The following ETV1 variants were observed in gnomAD, a reference collection of about 807,000 sequenced individuals.
ETV1 encodes ETS variant transcription factor 1, also known as ETS translocation variant 1.
In ETV1, 27 loss-of-function variants were observed where a neutral mutation model predicts 62.3. The ratio of observed to expected loss-of-function variants is 0.43; its 90% CI spans 0.32 to 0.60. ETV1 has a LOEUF of 0.60. Ranked by LOEUF, ETV1 falls within the 20% of genes least tolerant of loss-of-function variation. ETV1 has a pLI of 0.06. For synonymous variants in ETV1, 222 were observed against 199.6 expected (o/e 1.11, Z -0.94); for missense variants, 605 against 605.8 (o/e 1.00, Z 0.01).
rs563288931 is a variant in ETV1 at position 13,976,826 on chromosome 7, G to C, written c.235+601C>G. 5.8e-4 allele frequency among the ~76,000 whole-genome samples: 89 copies of C among 152,282 alleles called. 1 individual carries two copies. The highest frequency in any genetic ancestry group is 1.9e-3 in the African/African-American group (81 of 41,570). ...ATTCTCTGACAGACCCAGGAGCAAG[G>C]CTTAGGGAAAGGAACGCAGAAGGAA... On this transcript the variant is annotated intron_variant, in intron 6 of 13. Coordinates refer to ENST00000430479, the MANE Select transcript of ETV1 (RefSeq NM_004956.5).
intron 13 of ETV1, among the ~76,000 whole-genome samples, chr7:13,898,949 T>C (rs569354067): frequency 2.6e-5 from 4 of 152,262 alleles, no homozygotes; most frequent in Admixed American, 1.3e-4. Context: ...CTTTACATTG[T>C]GCCAGTTACA....
intron 13 of ETV1, among the ~76,000 whole-genome samples, chr7:13,897,853 C>T (rs1782001115): frequency 6.6e-6 from 1 of 152,126 alleles, no homozygotes; most frequent in African/African-American, 2.4e-5. Flanking sequence ...GCCTGCATAC[C>T]TCTGAGTGTT....
chr7:13,950,899 AAC>A (rs67539493), intron 6 of ETV1, among the ~76,000 whole-genome samples: 3,507 of 138,708 alleles, frequency 0.025, 51 homozygotes, highest in African/African-American at 0.047. Context: ...CTTCTCTAGG[AAC>A]ACACACACAC....
At chr7:13,954,302 T>C (rs1789166890) in intron 6 of ETV1, among the ~76,000 whole-genome samples, 2 of 152,210 alleles carry the variant, frequency 1.3e-5, no homozygotes, top group African/African-American at 4.8e-5. Flanking sequence ...GCAGTATAAT[T>C]CTAAATTTAG....
At chr7:13,989,225 G>C (rs1274368683) in intron 2 of ETV1, 43 bp downstream of exon 2, 2 of 567,558 alleles carry the variant, frequency 3.5e-6, no homozygotes, top group African/African-American at 2.3e-5. Flanking sequence ...CCCTCCGACA[G>C]TCCCATTCAC....
intron 9 of ETV1, among the ~76,000 whole-genome samples, chr7:13,928,776 G>A (rs1000041552): frequency 6.6e-5 from 10 of 152,098 alleles, no homozygotes; most frequent in African/African-American, 2.4e-5. Flanking sequence ...TGGCCACCAT[G>A]GTGAAACCCC....
intron 9 of ETV1, among the ~76,000 whole-genome samples, chr7:13,921,951 G>T (rs1027162642): frequency 1.3e-5 from 2 of 152,006 alleles, no homozygotes; most frequent in Non-Finnish European, 2.9e-5. Flanking sequence ...AAATAAAAAT[G>T]ACAAACTGAA....
intron 3 of ETV1, 122 bp downstream of exon 3, chr7:13,988,886 C>G: frequency 1.3e-6 from 2 of 1,552,786 alleles, no homozygotes; most frequent in East Asian, 2.3e-5. Flanking sequence ...CCTACAGTGG[C>G]AACAAAGCAG....
chr7:13,956,507 T>C (rs1040745761), intron 6 of ETV1, among the ~76,000 whole-genome samples: 3 of 152,204 alleles, frequency 2.0e-5, no homozygotes, highest in Admixed American at 1.3e-4. Context: ...AATAGTGTCA[T>C]GGCAACATTC....
intron 6 of ETV1, among the ~76,000 whole-genome samples, chr7:13,940,363 AAAAAAAAAG>A (rs150976778): frequency 0.29 from 42,150 of 146,128 alleles, 6,524 homozygotes; most frequent in East Asian, 0.39. Context: ...CTCCACCTCA[AAAAAAAAAG>A]AAAAAAAAGA....
At chr7:13,977,378 G>A in intron 6 of ETV1, 49 bp downstream of exon 6, 1 of 1,259,538 alleles carries the variant, frequency 7.9e-7, no homozygotes. Context: ...AAGAAAGAAG[G>A]AAACCAGAAA....
intron 5 of ETV1, among the ~76,000 whole-genome samples, chr7:13,982,930 A>G (rs1782146932): frequency 6.6e-6 from 1 of 152,060 alleles, no homozygotes; most frequent in Non-Finnish European, 1.5e-5. Context: ...TATGATTTTG[A>G]ATATAAATTT....
At chr7:13,918,367 T>A (rs1298900410) in intron 9 of ETV1, among the ~76,000 whole-genome samples, 1 of 152,182 alleles carries the variant, frequency 6.6e-6, no homozygotes, top group African/African-American at 2.4e-5. Context: ...TTCCTATTTC[T>A]CCACATCCTC....
intron 6 of ETV1, among the ~76,000 whole-genome samples, chr7:13,943,731 A>C (rs2128464554): frequency 6.6e-6 from 1 of 152,324 alleles, no homozygotes; most frequent in South Asian, 2.1e-4. Context: ...ACAGGTACAA[A>C]GTTACGGAAA....
At chr7:13,944,760 G>GA (rs1787954732) in intron 6 of ETV1, among the ~76,000 whole-genome samples, 1 of 152,084 alleles carries the variant, frequency 6.6e-6, no homozygotes, top group Admixed American at 6.5e-5. Context: ...TTTACATGTT[G>GA]AAATTTCAAC....
At chr7:13,900,621 T>C in intron 13 of ETV1, 117 bp downstream of exon 13, 1 of 686,020 alleles carries the variant, frequency 1.5e-6, no homozygotes, top group South Asian at 2.2e-5. Flanking sequence ...GCTAAGCATT[T>C]GTTAAAATGA....
intron 6 of ETV1, among the ~76,000 whole-genome samples, chr7:13,944,247 G>A (rs1028322684): frequency 6.6e-6 from 1 of 152,104 alleles, no homozygotes; most frequent in Non-Finnish European, 1.5e-5. Context: ...AAATACCATA[G>A]ACCGTATGGT....
intron 6 of ETV1, among the ~76,000 whole-genome samples, chr7:13,950,824 C>G (rs965118893): frequency 6.6e-6 from 1 of 150,652 alleles, no homozygotes; most frequent in South Asian, 2.1e-4. Context: ...TGCAAATAAC[C>G]AATTAACTGT....
chr7:13,986,166 T>C, intron 5 of ETV1: 1 of 1,594,064 alleles, frequency 6.3e-7, no homozygotes, highest in Non-Finnish European at 8.5e-7. Flanking sequence ...TGCACTTAAA[T>C]CTTGAAGCAT....
Sources: allele counts gnomAD v4.1 joint callset (sites outside exome capture counted in the v4.1 genomes callset), GRCh38; gene constraint gnomAD v4.1.1; transcripts MANE v1.5; gene names NCBI Gene and HGNC (gene_info 2026-07-23, HGNC 2026-07-21).